LPA: variants seen among roughly 807,000 people sequenced by gnomAD.
LPA encodes apolipoprotein(a).
In LPA, 199 loss-of-function variants were observed where a neutral mutation model predicts 197.9. The ratio of observed to expected loss-of-function variants is 1.01; its 90% CI spans 0.90 to 1.13. The LOEUF (loss-of-function observed/expected upper bound fraction) is 1.13, where lower values mean the gene tolerates loss of function less well. Ranked by LOEUF, LPA falls within the 50% of genes most tolerant of loss-of-function variation. LPA has a pLI of 0.00. For missense variants in LPA, 1,853 were observed against 1,785.8 expected (o/e 1.04, Z -0.68); for synonymous variants, 715 against 639.5 (o/e 1.12, Z -1.78).
chr6:160,659,456 G>A (rs952132768), intron 1 of LPA, among the ~76,000 whole-genome samples: 7 of 152,222 alleles, frequency 4.6e-5, no homozygotes, highest in Admixed American at 1.3e-4. Context: ...AACTGAGTTC[G>A]AGGTGCCTGC....
At position 160,606,588 on chromosome 6, in the gene LPA, T is replaced by A. The variant is rs41269892; in HGVS notation, c.2674A>T (p.Ser892Cys). The A allele has an allele frequency of 7.1e-5, 114 of 1,613,838 alleles. No individual in the cohort carries two copies. The highest frequency in any genetic ancestry group is 9.6e-5 in the Non-Finnish European group (113 of 1,179,958). ...AGGTTGCAGTACTCCCACCTGACAC[T>A]GGGATCCCTCGTATAACAATAAGGG... ...AAPYCYTRDPSVRWEYCNLTQ... is the reference protein window; with the variant it reads ...AAPYCYTRDPCVRWEYCNLTQ... Residue 892 changes from serine to cysteine, a missense_variant, in exon 17 of 39, where the codon AGT becomes TGT. This residue lies in a region of LPA where 1,737 missense variants were observed against 1,504.4 expected (regional missense o/e 1.15). Coordinates refer to ENST00000316300, the MANE Select transcript of LPA (RefSeq NM_005577.4).
chr6:160,646,895 C>G (rs1339180170), intron 2 of LPA, among the ~76,000 whole-genome samples: 1 of 151,522 alleles, frequency 6.6e-6, no homozygotes, highest in African/African-American at 2.4e-5. Flanking sequence ...AGGAGGATAA[C>G]CTTTCCAGGT....
At chr6:160,561,191 T>C (rs1448788551) in intron 28 of LPA, among the ~76,000 whole-genome samples, 1 of 152,226 alleles carries the variant, frequency 6.6e-6, no homozygotes, top group African/African-American at 2.4e-5. Context: ...AGGGTTTTTA[T>C]GGTTTTAGGT....
rs780364806 is a variant in LPA, at chr6:160,598,792, C to T, written c.3287+708G>A. Among the ~76,000 whole-genome samples the T allele has an allele frequency of 1.2e-4, 18 of 152,170 alleles. 1 individual carries two copies. The highest frequency in any genetic ancestry group is 9.2e-4 in the Admixed American group (14 of 15,268). On this transcript the variant is annotated intron_variant, in intron 20 of 38. Coordinates refer to ENST00000316300, the MANE Select transcript of LPA (RefSeq NM_005577.4). ...AAAGAAGTAGATAGAAAAAGATTTG[C>T]CTCTCCATAGATGTGCAAGTATCAA...
intron 20 of LPA, among the ~76,000 whole-genome samples, chr6:160,596,852 T>A (rs1438617452): frequency 6.6e-6 from 1 of 152,228 alleles, no homozygotes; most frequent in Non-Finnish European, 1.5e-5. Context: ...AGACATTCAC[T>A]GCATCTCCTA....
intron 20 of LPA, among the ~76,000 whole-genome samples, chr6:160,595,745 A>T: frequency 6.6e-6 from 1 of 152,222 alleles, no homozygotes; most frequent in Non-Finnish European, 1.5e-5. Context: ...ACACATCCAA[A>T]GTCATCTGTG....
Position 160,599,613 on chromosome 6 carries a change from A to G in LPA, c.3174T>C (p.Tyr1058=), listed in dbSNP as rs202024937. The G allele has an allele frequency of 1.2e-6, 2 of 1,614,158 alleles. No homozygotes were observed. The highest frequency in any genetic ancestry group is 2.2e-5 in the East Asian group (1 of 44,868). Reference sequence around the variant, plus strand: ...AGTATGTGCCTCGGTAACTCTGTCCATAATGGTAGTAGCAGTCCTGTACCC... The same window carrying G: ...AGTATGTGCCTCGGTAACTCTGTCCGTAATGGTAGTAGCAGTCCTGTACCC... The part of the protein sequence containing the change: ...TPGVQDCYYH[Y]GQSYRGTYST... Residue 1058 remains tyrosine, a synonymous_variant, in exon 20 of 39, where the codon TAT becomes TAC. Coordinates refer to ENST00000316300, the MANE Select transcript of LPA (RefSeq NM_005577.4).
chr6:160,657,552 C>A (rs1780153329), intron 1 of LPA, among the ~76,000 whole-genome samples: 1 of 152,098 alleles, frequency 6.6e-6, no homozygotes, highest in Non-Finnish European at 1.5e-5. Flanking sequence ...TTACGCATCA[C>A]CATGCCCAGC....
At chr6:160,535,121 G>A (rs981089515) in intron 37 of LPA, among the ~76,000 whole-genome samples, 3 of 127,038 alleles carry the variant, frequency 2.4e-5, no homozygotes, top group Non-Finnish European at 3.4e-5. Context: ...GGTGATGATG[G>A]TTACAGTGAT....
At chr6:160,653,349 G>C (rs1200507170) in intron 1 of LPA, among the ~76,000 whole-genome samples, 1 of 152,006 alleles carries the variant, frequency 6.6e-6, no homozygotes, top group Non-Finnish European at 1.5e-5. Flanking sequence ...TTAATCCTCA[G>C]TAGTCAATAA....
At chr6:160,594,958 C>T (rs954460323) in intron 21 of LPA, among the ~76,000 whole-genome samples, 3 of 152,168 alleles carry the variant, frequency 2.0e-5, no homozygotes, top group South Asian at 2.1e-4. Flanking sequence ...CCTCCGAAAC[C>T]GCAAAGCCAA....
chr6:160,592,925 A>C (rs993075345), intron 22 of LPA, among the ~76,000 whole-genome samples: 1 of 152,194 alleles, frequency 6.6e-6, no homozygotes. Flanking sequence ...TAGCATCTCC[A>C]TTGAGCTCAC....
chr6:160,561,157 C>A (rs1305044463), intron 28 of LPA, among the ~76,000 whole-genome samples: 2 of 152,128 alleles, frequency 1.3e-5, no homozygotes, highest in Non-Finnish European at 2.9e-5. Context: ...GATCCATCCA[C>A]CTCGGCCTCC....
At chr6:160,593,747 C>T (rs1157659717) in intron 22 of LPA, among the ~76,000 whole-genome samples, 1 of 152,190 alleles carries the variant, frequency 6.6e-6, no homozygotes, top group African/African-American at 2.4e-5. Flanking sequence ...CTTCAAATAT[C>T]CTCCTGCTTC....
At chr6:160,583,721 T>C (rs1372741293) in intron 26 of LPA, among the ~76,000 whole-genome samples, 1 of 152,144 alleles carries the variant, frequency 6.6e-6, no homozygotes, top group Non-Finnish European at 1.5e-5. Flanking sequence ...CCACAAATAC[T>C]TTCTCATTAT....
chr6:160,611,483 A>ACTCAG, intron 16 of LPA, 79 bp downstream of exon 16: 3 of 1,581,266 alleles, frequency 1.9e-6, no homozygotes, highest in Admixed American at 1.7e-5. Context: ...AGTTCGGAGA[A>ACTCAG]CTCAGCTTGA....
At chr6:160,634,939 A>C (rs867885978) in intron 7 of LPA, among the ~76,000 whole-genome samples, 184 bp downstream of exon 7, 74 of 150,206 alleles carry the variant, frequency 4.9e-4, no homozygotes, top group Non-Finnish European at 6.0e-4. Flanking sequence ...AGCCCACCCA[A>C]GTTGCACCAG....
chr6:160,563,990 C>A (rs1778406384), intron 28 of LPA, among the ~76,000 whole-genome samples: 1 of 152,154 alleles, frequency 6.6e-6, no homozygotes, highest in Non-Finnish European at 1.5e-5. Flanking sequence ...CTGAACACAG[C>A]AAACCAATGG....
At position 160,605,200 on chromosome 6, in the gene LPA, T is replaced by C. The variant is rs754897471; in HGVS notation, c.2791A>G (p.Thr931Ala). Residue 931 changes from threonine (T) to alanine (A), a missense_variant, in exon 18 of 39, where the codon ACT (threonine) becomes GCT (alanine). Physicochemically the swap from Thr to Ala is moderately conservative, Grantham distance 58. Around this residue, in one of 3 missense-constraint regions of LPA, gnomAD observed 1,737 missense variants for 1,504.4 expected, o/e 1.15. Coordinates refer to ENST00000316300, the MANE Select transcript of LPA (RefSeq NM_005577.4). The stretch of plus-strand genomic sequence containing the variant: ...TCCTGCACCCCAGGCCTTTGCTCAG[T>C]TGGTGCTGAAATGAAAAGAAAAGAA... Reference protein sequence around the residue: ...SLEAPSEQAPTEQRPGVQECY... With the variant: ...SLEAPSEQAPAEQRPGVQECY... 6 of 1,613,664 alleles carry C rather than the reference T, an allele frequency of 3.7e-6. No homozygotes were observed. The South Asian group carries it at 5.5e-5, about 15-fold the overall frequency.
Sources: gnomAD v4.1 joint callset for allele counts (sites outside exome capture counted in the v4.1 genomes callset) on GRCh38, gnomAD v4.1.1 for gene constraint, gnomAD v4.1.1 regional missense constraint, MANE v1.5 for transcripts, NCBI Gene and HGNC (gene_info 2026-07-23, HGNC 2026-07-21) for gene names.